RNF6: variants seen among roughly 807,000 people sequenced by gnomAD.
The protein encoded by RNF6 is E3 ubiquitin-protein ligase RNF6.
Under a neutral mutation model 50.1 loss-of-function variants are expected in RNF6, and 21 were observed. The observed-to-expected ratio is 0.42, with a 90% confidence interval of 0.30 to 0.60. RNF6 has a LOEUF of 0.60. Ranked by LOEUF, RNF6 falls within the 20% of genes least tolerant of loss-of-function variation. RNF6 has a pLI of 0.20. For missense variants in RNF6, 698 were observed against 838.2 expected (o/e 0.83, Z 2.07); for synonymous variants, 255 against 291.8 (o/e 0.87, Z 1.29).
chr13:26,209,558 C>T (rs1025868107), downstream of RNF6, among the ~76,000 whole-genome samples: 4 of 152,152 alleles, frequency 2.6e-5, no homozygotes, highest in African/African-American at 9.7e-5. Flanking sequence ...CAAACCTGAT[C>T]AGATCCAAGC....
rs565985139 is a variant in RNF6, at chr13:26,219,109, T to A, written c.193+348A>T. Among the ~76,000 whole-genome samples the A allele has an allele frequency of 5.9e-5, 9 of 152,250 alleles. 1 individual carries two copies. In the South Asian group the frequency reaches 1.9e-3, roughly 32 times the overall value. On this transcript the variant is annotated intron_variant, in intron 3 of 4. Transcript: ENST00000381588. ...CTATTAATTCAGCTGAATAAATAAA[T>A]TATAATACCCCAAATGAGTTCAAAT...
chr13:26,151,419 C>T lies in RNF6; in HGVS notation n.769-18968G>A, dbSNP rs868687109. On this transcript the variant is annotated intron_variant and non_coding_transcript_variant, in intron 5 of 5. Transcript: ENST00000468480. The stretch of plus-strand genomic sequence containing the variant: ...CTGGGATTACAGGTGCATGCCACCA[C>T]GCCCAGCTAATTTTTGTATTTTCAG... 2.1e-3 allele frequency among the ~76,000 whole-genome samples: 323 copies of T among 152,196 alleles called. 4 individuals are homozygous for T. The highest frequency in any genetic ancestry group is 3.7e-4 in the Non-Finnish European group (25 of 68,000).
chr13:26,146,089 C>T (rs554001137), intron 5 of RNF6, among the ~76,000 whole-genome samples: 169 of 152,260 alleles, frequency 1.1e-3, no homozygotes, highest in Middle Eastern at 3.4e-3. Context: ...GAGATAGTGT[C>T]CAAAAGTCCC....
At chr13:26,171,980 G>A (rs761597644) in intron 5 of RNF6, among the ~76,000 whole-genome samples, 11 of 152,066 alleles carry the variant, frequency 7.2e-5, no homozygotes, top group Admixed American at 3.9e-4. Context: ...TTGAAATAAC[G>A]GTGATAAGTA....
At chr13:26,202,458 T>G (rs547897243) in intron 5 of RNF6, among the ~76,000 whole-genome samples, 1 of 152,280 alleles carries the variant, frequency 6.6e-6, no homozygotes, top group South Asian at 2.1e-4. Context: ...ACTGAAGAAT[T>G]CATTAAACAA....
At chr13:26,186,362 G>C (rs990746472) in intron 5 of RNF6, among the ~76,000 whole-genome samples, 7 of 152,260 alleles carry the variant, frequency 4.6e-5, no homozygotes, top group African/African-American at 1.7e-4. Context: ...GTGTAAGACC[G>C]CGTTTCTCTG....
At chr13:26,165,903 C>T (rs1416005366) in intron 5 of RNF6, among the ~76,000 whole-genome samples, 1 of 152,142 alleles carries the variant, frequency 6.6e-6, no homozygotes, top group Non-Finnish European at 1.5e-5. Flanking sequence ...TGAGTTAATG[C>T]TGAAATAAGC....
chr13:26,192,523 TAGA>T (rs1868503502), intron 5 of RNF6, among the ~76,000 whole-genome samples: 1 of 152,208 alleles, frequency 6.6e-6, no homozygotes, highest in African/African-American at 2.4e-5. Flanking sequence ...TGCTTCTAAT[TAGA>T]AGAATATTAC....
chr13:26,140,287 G>A (rs935373062), intron 5 of RNF6, among the ~76,000 whole-genome samples: 7 of 152,250 alleles, frequency 4.6e-5, no homozygotes, highest in Middle Eastern at 3.4e-3. Flanking sequence ...TGAACGATTC[G>A]TGAATTGGAT....
At chr13:26,146,411 G>A (rs1421364273) in intron 5 of RNF6, among the ~76,000 whole-genome samples, 1 of 152,192 alleles carries the variant, frequency 6.6e-6, no homozygotes, top group Non-Finnish European at 1.5e-5. Flanking sequence ...ATTGCATTTA[G>A]GTTTCCAATT....
intron 5 of RNF6, among the ~76,000 whole-genome samples, chr13:26,174,058 A>G (rs1872833181): frequency 6.6e-6 from 1 of 152,194 alleles, no homozygotes; most frequent in Non-Finnish European, 1.5e-5. Context: ...AATTCCATGT[A>G]CACACTTACA....
chr13:26,163,625 C>T (rs550414376), intron 5 of RNF6, among the ~76,000 whole-genome samples: 2 of 152,148 alleles, frequency 1.3e-5, no homozygotes, highest in East Asian at 3.8e-4. Flanking sequence ...AACTCTGGAA[C>T]CTGGGTTGCA....
In RNF6 at chr13:26,148,642, A is replaced by C. The variant is rs1455924255; in HGVS notation, n.769-16191T>G. ...ATAGTATAAATCTCTTTATATATAT[A>C]TATATATATATATATATATATATAT... On this transcript the variant is annotated intron_variant and non_coding_transcript_variant, in intron 5 of 5. Coordinates refer to the RNF6 transcript ENST00000468480. Among the ~76,000 whole-genome samples the C allele has an allele frequency of 7.2e-4, 71 of 98,064 alleles. 1 individual carries two copies. Among genetic ancestry groups the C allele is most frequent in the African/African-American group, 2.3e-3 (71 of 30,622 alleles). The allele number at this position is 98,064 out of a possible 152,430, so 64.3% of individuals were successfully genotyped here.
intron 5 of RNF6, among the ~76,000 whole-genome samples, chr13:26,154,887 G>T (rs569001798): frequency 6.6e-6 from 1 of 151,874 alleles, no homozygotes; most frequent in South Asian, 2.1e-4. Flanking sequence ...AAAATTAGCC[G>T]GATGTGGTGG....
chr13:26,150,134 T>C (rs1871515185), intron 5 of RNF6, among the ~76,000 whole-genome samples: 1 of 151,310 alleles, frequency 6.6e-6, no homozygotes, highest in African/African-American at 2.4e-5. Flanking sequence ...ATTATACACT[T>C]GAAGTGTTAG....
At chr13:26,175,162 C>G (rs1390094616) in intron 5 of RNF6, among the ~76,000 whole-genome samples, 3 of 152,222 alleles carry the variant, frequency 2.0e-5, no homozygotes, top group East Asian at 1.9e-4. Context: ...CTCACTGCAA[C>G]CTCCACCTCC....
chr13:26,176,191 C>A (rs890730686), intron 5 of RNF6, among the ~76,000 whole-genome samples: 1 of 152,212 alleles, frequency 6.6e-6, no homozygotes, highest in Admixed American at 6.5e-5. Context: ...ATTCGCCCTT[C>A]CTAGTCAAAA....
chr13:26,163,011 C>T (rs1365917043), intron 5 of RNF6, among the ~76,000 whole-genome samples: 3 of 152,216 alleles, frequency 2.0e-5, no homozygotes, highest in Admixed American at 6.5e-5. Flanking sequence ...CTCTGAGTTT[C>T]AACAATTACC....
intron 5 of RNF6, among the ~76,000 whole-genome samples, chr13:26,195,833 A>C (rs1340362899): frequency 6.6e-6 from 1 of 152,084 alleles, no homozygotes. Context: ...TTTACACAAG[A>C]CTGCATATTT....
Sources: allele counts gnomAD v4.1 joint callset (sites outside exome capture counted in the v4.1 genomes callset), GRCh38; gene constraint gnomAD v4.1.1; transcripts MANE v1.5; gene names NCBI Gene and HGNC (gene_info 2026-07-23, HGNC 2026-07-21).